HSPA1B: variants seen among roughly 807,000 people sequenced by gnomAD.
HSPA1B encodes heat shock 70 kDa protein 1B.
HSPA1B carries 7 observed loss-of-function variants against 9.0 expected under a neutral mutation model. That is an observed-to-expected ratio of 0.78 (90% CI 0.44 to 1.46). The LOEUF is 1.46. Ranked by LOEUF, HSPA1B falls within the 40% of genes most tolerant of loss-of-function variation. The probability of loss-of-function intolerance (pLI) is 0.01; values close to 1 mark genes in which losing one functional copy is unlikely to be tolerated. For missense variants in HSPA1B, 199 were observed against 424.5 expected, an observed-to-expected ratio of 0.47 and a Z score of 4.67; for synonymous variants, 125 against 184.5, an observed-to-expected ratio of 0.68 and a Z score of 2.61.
In HSPA1B at chr6:31,828,019, C is replaced by T; in HGVS notation, c.69C>T (p.His23=). The change falls in exon 1 of 1, where the codon CAC becomes CAT. Residue 23 remains histidine, a synonymous_variant. Transcript: ENST00000375650. ...ACTCCTGCGTGGGGGTGTTCCAACACGGCAAGGTGGAGATCATCGCCAACG... is the reference window on the plus strand; with the variant it reads ...ACTCCTGCGTGGGGGTGTTCCAACATGGCAAGGTGGAGATCATCGCCAACG... ...TTYSCVGVFQ[H]GKVEIIANDQ... is the part of the protein sequence containing the mutation. 2 of 1,611,228 alleles carry T rather than the reference C, an allele frequency of 1.2e-6. No homozygotes were observed. The highest frequency in any genetic ancestry group is 1.7e-6 in the Non-Finnish European group (2 of 1,179,028).
Position 31,830,124 on chromosome 6 carries a change from C to T in HSPA1B, c.*248C>T. The T allele has an allele frequency of 2.3e-6, 1 of 425,674 alleles. No homozygotes were observed. Among genetic ancestry groups the T allele is most frequent in the Non-Finnish European group, 4.2e-6 (1 of 235,754 alleles). 26.4% of individuals were successfully genotyped at this position (425,674 alleles called of 1,614,324 possible). On this transcript the variant is annotated 3_prime_UTR_variant, in exon 1 of 1. Coordinates refer to ENST00000375650, the MANE Select transcript of HSPA1B (RefSeq NM_005346.6). ...TTCCCTTTAAATGAATCAACACTGC[C>T]ACCTTCTGTACGAGTTTGTTTGTTT...
At position 31,828,403 on chromosome 6, in the gene HSPA1B, C is replaced by T; in HGVS notation, c.453C>T (p.Asn151=). ...NAVITVPAYF[N]DSQRQATKDA... ...TGATCACCGTGCCGGCCTACTTCAACGACTCGCAGCGCCAGGCCACCAAGG... is the reference window on the plus strand; with the variant it reads ...TGATCACCGTGCCGGCCTACTTCAATGACTCGCAGCGCCAGGCCACCAAGG... Residue 151 remains asparagine, a synonymous_variant, in exon 1 of 1, where the codon AAC becomes AAT. Coordinates refer to ENST00000375650, the MANE Select transcript of HSPA1B (RefSeq NM_005346.6). 1 of 375,536 alleles carries T rather than the reference C, an allele frequency of 2.7e-6. No homozygotes were observed. Among genetic ancestry groups the T allele is most frequent in the Non-Finnish European group, 4.5e-6 (1 of 221,886 alleles). The allele number at this position is 375,536 out of a possible 1,614,324, so 23.3% of individuals were successfully genotyped here.
In HSPA1B at chr6:31,827,997, C is replaced by T; in HGVS notation, c.47C>T (p.Ser16Phe). 1 of 1,612,546 alleles carries T rather than the reference C, an allele frequency of 6.2e-7. No homozygotes were observed. The highest frequency in any genetic ancestry group is 1.1e-5 in the South Asian group (1 of 91,018). Residue 16 changes from serine (S) to phenylalanine (F), a missense_variant, in exon 1 of 1, where the codon TCC becomes TTC. Physicochemically the swap from Ser to Phe is radical, Grantham distance 155 (BLOSUM62 -2). Transcript: ENST00000375650. ...GGCATCGACCTGGGCACCACCTACT[C>T]CTGCGTGGGGGTGTTCCAACACGGC... is the stretch of plus-strand genomic sequence containing the variant. ...AIGIDLGTTY[S>F]CVGVFQHGKV...
chr6:31,829,601 A>G lies in HSPA1B; in HGVS notation c.1651A>G (p.Ser551Gly). The change falls in exon 1 of 1, where the codon AGC becomes GGC. Residue 551 changes from serine to glycine, a missense_variant. By Grantham distance (56) the Ser-to-Gly change is moderately conservative. This residue lies in a region of HSPA1B where 14 missense variants were observed against 147.2 expected (regional missense o/e 0.10). Transcript: ENST00000375650. ...GGAGTCCTACGCCTTCAACATGAAGAGCGCCGTGGAGGATGAGGGGCTCAA... is the reference window on the plus strand; with the variant it reads ...GGAGTCCTACGCCTTCAACATGAAGGGCGCCGTGGAGGATGAGGGGCTCAA... ...ALESYAFNMK[S>G]AVEDEGLKGK... The G allele has an allele frequency of 6.2e-7, 1 of 1,611,228 alleles. No homozygotes were observed. Among genetic ancestry groups the G allele is most frequent in the Non-Finnish European group, 8.5e-7 (1 of 1,179,562 alleles).
rs1381883908 is a variant in HSPA1B, at chr6:31,830,135, C to G, written c.*259C>G. On this transcript the variant is annotated 3_prime_UTR_variant, in exon 1 of 1. Coordinates refer to ENST00000375650, the MANE Select transcript of HSPA1B (RefSeq NM_005346.6). ...TGAATCAACACTGCCACCTTCTGTA[C>G]GAGTTTGTTTGTTTTTTTTTTTTTT... 4.1e-6 allele frequency: 1 copy of G among 244,250 alleles called. No individual in the cohort carries two copies. Among genetic ancestry groups the G allele is most frequent in the South Asian group, 1.1e-4 (1 of 9,100 alleles). 15.1% of individuals were successfully genotyped at this position (244,250 alleles called of 1,614,324 possible).
Position 31,827,844 on chromosome 6 carries a change from G to GCGTGTTGAGTTTCCTT in HSPA1B, c.-93_-92insTTCGTGTTGAGTTTCC. The GCGTGTTGAGTTTCCTT allele has an allele frequency of 6.2e-7, 1 of 1,603,298 alleles. No homozygotes were observed. Among genetic ancestry groups the GCGTGTTGAGTTTCCTT allele is most frequent in the African/African-American group, 1.3e-5 (1 of 74,700 alleles). Reference sequence around the variant, plus strand: ...CGAACCTGTGCGGCTGCAGGCACCGGCGTGTTGAGTTTCCGGCGTTCCGAA... The same window carrying GCGTGTTGAGTTTCCTT: ...CGAACCTGTGCGGCTGCAGGCACCGGCGTGTTGAGTTTCCTTCGTGTTGAGTTTCCGGCGTTCCGAA... On this transcript the variant is annotated 5_prime_UTR_variant, in exon 1 of 1. Transcript: ENST00000375650.
Position 31,828,342 on chromosome 6 carries a change from C to T in HSPA1B, c.392C>T (p.Ala131Val). Residue 131 changes from alanine (A) to valine (V), a missense_variant, in exon 1 of 1, where the codon GCC becomes GTC. Physicochemically the swap from Ala to Val is moderately conservative, Grantham distance 64. This residue lies in a region of HSPA1B where 49 missense variants were observed against 40.0 expected (regional missense o/e 1.23). Coordinates refer to ENST00000375650, the MANE Select transcript of HSPA1B (RefSeq NM_005346.6). ...SMVLTKMKEI[A>V]EAYLGYPVTN... is the part of the protein sequence containing the mutation. ...GTGCTGACCAAGATGAAGGAGATCGCCGAGGCGTACCTGGGCTACCCGGTG... is the reference window on the plus strand; with the variant it reads ...GTGCTGACCAAGATGAAGGAGATCGTCGAGGCGTACCTGGGCTACCCGGTG... The T allele has an allele frequency of 2.2e-6, 1 of 462,080 alleles. No homozygotes were observed. The highest frequency in any genetic ancestry group is 2.2e-5 in the South Asian group (1 of 46,040). 28.6% of individuals were successfully genotyped at this position (462,080 alleles called of 1,614,324 possible).
Position 31,827,763 on chromosome 6 carries a change from C to G in HSPA1B, c.-188C>G, listed in dbSNP as rs368738599. The G allele has an allele frequency of 1.6e-5, 21 of 1,318,460 alleles. 2 individuals carry two copies. The South Asian group carries it at 2.4e-4, about 15-fold the overall frequency. The allele number at this position is 1,318,460 out of a possible 1,614,324, so 81.7% of individuals were successfully genotyped here. A position where few individuals can be genotyped will look rare whatever the true frequency, so the allele number is the denominator to read the frequency against. On this transcript the variant is annotated 5_prime_UTR_variant, in exon 1 of 1. Coordinates refer to ENST00000375650, the MANE Select transcript of HSPA1B (RefSeq NM_005346.6). The stretch of plus-strand genomic sequence containing the variant: ...AAACGGCCAGCCTGAGGAGCTGCTG[C>G]GAGGGTCCGCTTCGTCTTTCGAGAG...
At position 31,829,766 on chromosome 6, in the gene HSPA1B, A is replaced by G; in HGVS notation, c.1816A>G (p.Ile606Val). The change falls in exon 1 of 1, where the codon ATC becomes GTC. Residue 606 changes from isoleucine (I) to valine (V), a missense_variant. Transcript: ENST00000375650. ...GGAGCTGGAGCAGGTGTGTAACCCC[A>G]TCATCAGCGGACTGTACCAGGGTGC... ...RKELEQVCNP[I>V]ISGLYQGAGG... is the part of the protein sequence containing the mutation. The G allele has an allele frequency of 6.2e-7, 1 of 1,612,624 alleles. No homozygotes were observed. Among genetic ancestry groups the G allele is most frequent in the Non-Finnish European group, 8.5e-7 (1 of 1,179,944 alleles).
rs9279427 is a variant in HSPA1B at position 31,830,146 on chromosome 6, GT to G, written c.*294del. 0.087 allele frequency: 7,297 copies of G among 84,138 alleles called. 90 individuals are homozygous for G. Among genetic ancestry groups the G allele is most frequent in the African/African-American group, 0.14 (2,369 of 16,760 alleles). The allele number at this position is 84,138 out of a possible 1,614,324, so 5.2% of individuals were successfully genotyped here. ...TGCCACCTTCTGTACGAGTTTGTTT[GT>G]TTTTTTTTTTTTTTTTTTTTTTTGC... On this transcript the variant is annotated 3_prime_UTR_variant, in exon 1 of 1. Coordinates refer to ENST00000375650, the MANE Select transcript of HSPA1B (RefSeq NM_005346.6).
Position 31,829,712 on chromosome 6 carries a change from G to T in HSPA1B, c.1762G>T (p.Glu588Ter), listed in dbSNP as rs1816896420. 1 of 1,612,510 alleles carries T rather than the reference G, an allele frequency of 6.2e-7. No homozygotes were observed. Among genetic ancestry groups the T allele is most frequent in the Admixed American group, 1.7e-5 (1 of 59,974 alleles). The part of the protein sequence containing the change: ...ISWLDANTLA[E>*]KDEFEHKRKE... Reference sequence around the variant, plus strand: ...GTGGCTGGACGCCAACACCTTGGCCGAGAAGGACGAGTTTGAGCACAAGAG... The same window carrying T: ...GTGGCTGGACGCCAACACCTTGGCCTAGAAGGACGAGTTTGAGCACAAGAG... Residue 588 changes from glutamate to a stop codon, truncating the protein, a stop_gained, in exon 1 of 1, where the codon GAG (glutamate) becomes TAG (stop). Transcript: ENST00000375650. LOFTEE classifies it low-confidence loss of function (END_TRUNC).
rs1816918307 is a variant in HSPA1B at position 31,829,959 on chromosome 6, C to T, written c.*83C>T. 6.6e-7 allele frequency: 1 copy of T among 1,506,982 alleles called. No individual in the cohort carries two copies. Among genetic ancestry groups the T allele is most frequent in the Admixed American group, 2.1e-5 (1 of 47,696 alleles). 93.4% of individuals were successfully genotyped at this position (1,506,982 alleles called of 1,614,324 possible). A position where few individuals can be genotyped will look rare whatever the true frequency, so the allele number is the denominator to read the frequency against. ...TTGCTGCTGTTTTCCTATGTCATTT[C>T]TGCTTCAGCTCTTTGCTGCTTCACT... On this transcript the variant is annotated 3_prime_UTR_variant, in exon 1 of 1. Transcript: ENST00000375650.
rs9279427 is a variant in HSPA1B at position 31,830,146 on chromosome 6, GTTTT to G, written c.*291_*294del. 0.013 allele frequency: 1,071 copies of G among 83,622 alleles called. 1 individual carries two copies. Among genetic ancestry groups the G allele is most frequent in the South Asian group, 0.035 (107 of 3,058 alleles). 5.2% of individuals were successfully genotyped at this position (83,622 alleles called of 1,614,324 possible). A position where few individuals can be genotyped will look rare whatever the true frequency, so the allele number is the denominator to read the frequency against. On this transcript the variant is annotated 3_prime_UTR_variant, in exon 1 of 1. Coordinates refer to ENST00000375650, the MANE Select transcript of HSPA1B (RefSeq NM_005346.6). ...TGCCACCTTCTGTACGAGTTTGTTTGTTTTTTTTTTTTTTTTTTTTTTTTGCTTG... is the reference window on the plus strand; with the variant it reads ...TGCCACCTTCTGTACGAGTTTGTTTGTTTTTTTTTTTTTTTTTTTTGCTTG...
Position 31,827,809 on chromosome 6 carries a change from C to A in HSPA1B, c.-142C>A. ...GAGAGTGACTCCCGCGGTCCCAAGG[C>A]TTTCCAGAGCGAACCTGTGCGGCTG... On this transcript the variant is annotated 5_prime_UTR_variant, in exon 1 of 1. Coordinates refer to ENST00000375650, the MANE Select transcript of HSPA1B (RefSeq NM_005346.6). The A allele has an allele frequency of 6.5e-7, 1 of 1,541,900 alleles. No homozygotes were observed.
rs146946127 is a variant in HSPA1B at position 31,829,970 on chromosome 6, C to G, written c.*94C>G. Reference sequence around the variant, plus strand: ...TTCCTATGTCATTTCTGCTTCAGCTCTTTGCTGCTTCACTTCTTTGTAAAG... The same window carrying G: ...TTCCTATGTCATTTCTGCTTCAGCTGTTTGCTGCTTCACTTCTTTGTAAAG... On this transcript the variant is annotated 3_prime_UTR_variant, in exon 1 of 1. Transcript: ENST00000375650. 1,263 of 1,459,046 alleles carry G rather than the reference C, an allele frequency of 8.7e-4. 3 individuals are homozygous for G. The Middle Eastern group carries it at 0.011, about 12-fold the overall frequency. 90.4% of individuals were successfully genotyped at this position (1,459,046 alleles called of 1,614,324 possible). A position where few individuals can be genotyped will look rare whatever the true frequency, so the allele number is the denominator to read the frequency against.
In HSPA1B at chr6:31,828,307, C is replaced by T. The variant is rs1816838364; in HGVS notation, c.357C>T (p.Ile119=). The T allele has an allele frequency of 5.6e-6, 3 of 535,068 alleles. No individual in the cohort carries two copies. Among genetic ancestry groups the T allele is most frequent in the Non-Finnish European group, 9.0e-6 (3 of 332,930 alleles). 33.1% of individuals were successfully genotyped at this position (535,068 alleles called of 1,614,324 possible). A position where few individuals can be genotyped will look rare whatever the true frequency, so the allele number is the denominator to read the frequency against. The part of the protein sequence containing the change: ...GETKAFYPEE[I]SSMVLTKMKE... ...CCAAGGCATTCTACCCCGAGGAGAT[C>T]TCGTCCATGGTGCTGACCAAGATGA... Residue 119 remains isoleucine (I), a synonymous_variant, in exon 1 of 1, where the codon ATC becomes ATT. Transcript: ENST00000375650.
chr6:31,828,088 C>G lies in HSPA1B; in HGVS notation c.138C>G (p.Asp46Glu). ...CCCCCAGCTACGTGGCCTTCACGGA[C>G]ACCGAGCGGCTCATCGGGGATGCGG... ...RTTPSYVAFT[D>E]TERLIGDAAK... The change falls in exon 1 of 1, where the codon GAC becomes GAG. Residue 46 changes from aspartate (D) to glutamate (E), a missense_variant. Physicochemically the swap from Asp to Glu is conservative, Grantham distance 45 (BLOSUM62 2). Around this residue, in one of 5 missense-constraint regions of HSPA1B, gnomAD observed 51 missense variants for 70.9 expected, o/e 0.72. Coordinates refer to ENST00000375650, the MANE Select transcript of HSPA1B (RefSeq NM_005346.6). The G allele has an allele frequency of 6.3e-7, 1 of 1,598,516 alleles. No homozygotes were observed. The highest frequency in any genetic ancestry group is 8.5e-7 in the Non-Finnish European group (1 of 1,174,684).
At position 31,828,513 on chromosome 6, in the gene HSPA1B, C is replaced by G. The variant is rs1222040287; in HGVS notation, c.563C>G (p.Thr188Arg). Residue 188 changes from threonine to arginine, a missense_variant, in exon 1 of 1, where the codon ACG becomes AGG. Coordinates refer to ENST00000375650, the MANE Select transcript of HSPA1B (RefSeq NM_005346.6). ...AAAIAYGLDRTGKGERNVLIF... is the reference protein window; with the variant it reads ...AAAIAYGLDRRGKGERNVLIF... ...GCCATCGCCTACGGCCTGGACAGAA[C>G]GGGCAAGGGGGAGCGCAACGTGCTC... is the stretch of plus-strand genomic sequence containing the variant. 7.4e-5 allele frequency: 16 copies of G among 217,444 alleles called. No individual in the cohort carries two copies. In the Admixed American group the frequency reaches 1.2e-3, roughly 17 times the overall value. The allele number at this position is 217,444 out of a possible 1,614,324, so 13.5% of individuals were successfully genotyped here.
chr6:31,829,661 C>T lies in HSPA1B; in HGVS notation c.1711C>T (p.Leu571=). Residue 571 remains leucine, a synonymous_variant, in exon 1 of 1, where the codon CTG becomes TTG. Transcript: ENST00000375650. The part of the protein sequence containing the change: ...KISEADKKKV[L]DKCQEVISWL... Reference sequence around the variant, plus strand: ...CAGCGAGGCGGACAAGAAGAAGGTTCTGGACAAGTGTCAAGAGGTCATCTC... The same window carrying T: ...CAGCGAGGCGGACAAGAAGAAGGTTTTGGACAAGTGTCAAGAGGTCATCTC... The T allele has an allele frequency of 6.8e-6, 11 of 1,612,638 alleles. No homozygotes were observed. Among genetic ancestry groups the T allele is most frequent in the Non-Finnish European group, 5.9e-6 (7 of 1,179,872 alleles).
Sources: allele counts gnomAD v4.1 joint callset, GRCh38; gene constraint gnomAD v4.1.1; regional missense constraint gnomAD v4.1.1; transcripts MANE v1.5; gene names NCBI Gene and HGNC (gene_info 2026-07-23, HGNC 2026-07-21).